ELF1: variants seen among roughly 807,000 people sequenced by gnomAD.
ELF1 encodes the protein E74 like ETS transcription factor 1, also known as ETS-related transcription factor Elf-1.
A neutral mutation model predicts 59.9 loss-of-function variants in ELF1; 24 were observed. The ratio of observed to expected loss-of-function variants is 0.40; its 90% CI spans 0.29 to 0.56. The LOEUF (loss-of-function observed/expected upper bound fraction) is 0.56. Among genes scored for constraint, ELF1 ranks in the 20% least tolerant of loss-of-function variants. ELF1 has a pLI of 0.44. For synonymous variants in ELF1, 248 were observed against 266.2 expected, an observed-to-expected ratio of 0.93 and a Z score of 0.67; for missense variants, 627 against 742.2, an observed-to-expected ratio of 0.84 and a Z score of 1.80.
chr13:40,954,450 C>A (rs1456272341), intron 3 of ELF1, among the ~76,000 whole-genome samples: 1 of 151,750 alleles, frequency 6.6e-6, no homozygotes, highest in Non-Finnish European at 1.5e-5. Flanking sequence ...CTCCCTCTCC[C>A]CACGGTCTCC....
chr13:41,015,555 T>C (rs1875310428), intron 1 of ELF1, among the ~76,000 whole-genome samples: 1 of 152,200 alleles, frequency 6.6e-6, no homozygotes, highest in African/African-American at 2.4e-5. Context: ...AAATGTGGCA[T>C]ATAAGCACCT....
intron 1 of ELF1, among the ~76,000 whole-genome samples, chr13:41,016,739 A>G (rs1875384674): frequency 2.0e-5 from 3 of 150,558 alleles, no homozygotes; most frequent in African/African-American, 7.3e-5. Flanking sequence ...ACATGGAGAA[A>G]CCCTGTCTCT....
intron 3 of ELF1, among the ~76,000 whole-genome samples, chr13:40,956,670 T>G (rs1871466239): frequency 6.7e-6 from 1 of 149,706 alleles, no homozygotes; most frequent in Non-Finnish European, 1.5e-5. Context: ...GTTTACATCG[T>G]CTCTATTACT....
chr13:40,980,424 T>C (rs1259359933), intron 2 of ELF1, among the ~76,000 whole-genome samples: 2 of 152,188 alleles, frequency 1.3e-5, no homozygotes, highest in Non-Finnish European at 1.5e-5. Flanking sequence ...AAGCTAACAG[T>C]ACCATCTCCC....
In ELF1 at chr13:40,959,950, A is replaced by G. The variant is rs187214046; in HGVS notation, c.73-934T>C. 5.7e-3 allele frequency among the ~76,000 whole-genome samples: 873 copies of G among 152,288 alleles called. 8 individuals carry two copies. The highest frequency in any genetic ancestry group is 0.014 in the South Asian group (69 of 4,822). ...AGATACTACTTCCTTTATCATTTTG[A>G]GATAATCGCAGACTTATAAAAGTTG... On this transcript the variant is annotated intron_variant, in intron 2 of 8. Coordinates refer to ENST00000239882, the MANE Select transcript of ELF1 (RefSeq NM_172373.4).
chr13:40,974,587 C>T (rs778471346), intron 2 of ELF1, among the ~76,000 whole-genome samples: 1 of 152,170 alleles, frequency 6.6e-6, no homozygotes, highest in Non-Finnish European at 1.5e-5. Flanking sequence ...TCACTAAACA[C>T]TAGCTACTAA....
intron 1 of ELF1, among the ~76,000 whole-genome samples, chr13:40,999,779 T>C (rs890440679): frequency 2.0e-5 from 3 of 152,190 alleles, no homozygotes; most frequent in African/African-American, 7.2e-5. Context: ...TTCTCAACAG[T>C]GCTTTTTATT....
At chr13:40,934,328 G>A (rs926901136) in intron 8 of ELF1, among the ~76,000 whole-genome samples, 5 of 151,930 alleles carry the variant, frequency 3.3e-5, no homozygotes, top group African/African-American at 1.2e-4. Context: ...GTTGGGGAAG[G>A]AGGAGGATGT....
intron 1 of ELF1, among the ~76,000 whole-genome samples, chr13:41,046,270 T>C (rs1219575175): frequency 6.6e-6 from 1 of 152,250 alleles, no homozygotes; most frequent in Non-Finnish European, 1.5e-5. Flanking sequence ...AATTGGAGCA[T>C]TTAGCCCATT....
Position 41,000,305 on chromosome 13 carries a change from C to T in ELF1, c.-228-18023G>A, listed in dbSNP as rs141903307. ...TCACTCTGTTTGGCAGGCTAAAGCACAGTGTCATTATCTCCAGCAATTCTC... is the reference window on the plus strand; with the variant it reads ...TCACTCTGTTTGGCAGGCTAAAGCATAGTGTCATTATCTCCAGCAATTCTC... On this transcript the variant is annotated intron_variant, in intron 1 of 8. Coordinates refer to ENST00000239882, the MANE Select transcript of ELF1 (RefSeq NM_172373.4). Among the ~76,000 whole-genome samples, 5 of 115,486 alleles carry T rather than the reference C, an allele frequency of 4.3e-5. No individual in the cohort carries two copies. The East Asian group carries it at 1.4e-3, about 33-fold the overall frequency. The allele number at this position is 115,486 out of a possible 152,430, so 75.8% of individuals were successfully genotyped here.
At chr13:40,965,030 A>C (rs1012882098) in intron 2 of ELF1, among the ~76,000 whole-genome samples, 64 of 152,334 alleles carry the variant, frequency 4.2e-4, no homozygotes, top group African/African-American at 1.5e-3. Flanking sequence ...CAATTCAACC[A>C]ATAATAGGAC....
intron 1 of ELF1, among the ~76,000 whole-genome samples, chr13:41,008,785 T>C (rs182996825): frequency 1.9e-4 from 29 of 152,278 alleles, no homozygotes; most frequent in Admixed American, 1.5e-3. Context: ...TGACTAGACA[T>C]CTGTGTGAGG....
At position 41,013,326 on chromosome 13, in the gene ELF1, G is replaced by A. The variant is rs116302261; in HGVS notation, c.-229+5902C>T. The stretch of plus-strand genomic sequence containing the variant: ...ATGTCCCGGGGAACCATGTACAAGT[G>A]TTCCCAAGCTCAAAATAATCTAATG... On this transcript the variant is annotated intron_variant, in intron 1 of 8. Transcript: ENST00000239882. Among the ~76,000 whole-genome samples the A allele has an allele frequency of 8.9e-3, 1,361 of 152,220 alleles. 25 individuals carry two copies. Among genetic ancestry groups the A allele is most frequent in the African/African-American group, 0.031 (1,289 of 41,534 alleles).
intron 1 of ELF1, among the ~76,000 whole-genome samples, chr13:40,997,574 T>A (rs1215184220): frequency 6.6e-6 from 1 of 151,854 alleles, no homozygotes; most frequent in African/African-American, 2.4e-5. Flanking sequence ...TCTTTTTTTT[T>A]AAGAGATGGA....
intron 7 of ELF1, among the ~76,000 whole-genome samples, chr13:40,942,497 A>C (rs989395357): frequency 6.6e-6 from 1 of 151,330 alleles, no homozygotes; most frequent in Non-Finnish European, 1.5e-5. Flanking sequence ...CTAACATATC[A>C]TACTTGCAAT....
intron 1 of ELF1, among the ~76,000 whole-genome samples, chr13:41,035,256 A>G (rs556578196): frequency 6.6e-6 from 1 of 152,354 alleles, no homozygotes; most frequent in East Asian, 1.9e-4. Context: ...AATACCTGGT[A>G]AAGAACATTA....
intron 7 of ELF1, 68 bp downstream of exon 7, chr13:40,942,884 T>C (rs1037178274): frequency 2.2e-5 from 31 of 1,410,226 alleles, no homozygotes; most frequent in Middle Eastern, 1.9e-4. Context: ...GAACTTAAGC[T>C]TAGTATTTTT....
intron 1 of ELF1, among the ~76,000 whole-genome samples, chr13:41,030,405 TA>T (rs1441170588): frequency 1.3e-5 from 2 of 152,010 alleles, no homozygotes; most frequent in Non-Finnish European, 2.9e-5. Context: ...AAACCCTGAT[TA>T]GGTAAAGTTT....
intron 2 of ELF1, among the ~76,000 whole-genome samples, chr13:40,961,273 T>A (rs61963226): frequency 0.16 from 24,894 of 152,234 alleles, 2,406 homozygotes; most frequent in South Asian, 0.29. Flanking sequence ...AAAACACATT[T>A]GGATCGTTTT....
Sources: allele counts gnomAD v4.1 joint callset (sites outside exome capture counted in the v4.1 genomes callset), GRCh38; gene constraint gnomAD v4.1.1; transcripts MANE v1.5; gene names NCBI Gene and HGNC (gene_info 2026-07-23, HGNC 2026-07-21).